KCND2: variants seen among roughly 807,000 people sequenced by gnomAD.
KCND2 encodes A-type voltage-gated potassium channel KCND2.
Under a neutral mutation model 54.4 loss-of-function variants are expected in KCND2, and 16 were observed. The observed-to-expected ratio is 0.29, with a 90% confidence interval of 0.20 to 0.45. The LOEUF (loss-of-function observed/expected upper bound fraction) is 0.45, where lower values mean the gene tolerates loss of function less well. Among genes scored for constraint, KCND2 ranks in the 20% least tolerant of loss-of-function variants. KCND2 has a pLI of 1.00. For synonymous variants in KCND2, 317 were observed against 310.7 expected (o/e 1.02, Z -0.21); for missense variants, 486 against 824.2 (o/e 0.59, Z 5.02).
At chr7:120,692,470 A>T (rs1282462353) in intron 1 of KCND2, among the ~76,000 whole-genome samples, 3 of 152,188 alleles carry the variant, frequency 2.0e-5, no homozygotes, top group Non-Finnish European at 4.4e-5. Context: ...AAACTACATT[A>T]TGTTGATGTA....
intron 1 of KCND2, among the ~76,000 whole-genome samples, chr7:120,436,602 G>C (rs754677326): frequency 1.3e-5 from 2 of 152,124 alleles, no homozygotes; most frequent in Non-Finnish European, 2.9e-5. Context: ...AGCCCTAACT[G>C]ACTATCCTCC....
intron 1 of KCND2, among the ~76,000 whole-genome samples, chr7:120,610,205 C>A (rs988829276): frequency 6.6e-6 from 1 of 152,138 alleles, no homozygotes; most frequent in African/African-American, 2.4e-5. Context: ...GCAGGTGAGG[C>A]AGACCTCCAT....
intron 1 of KCND2, among the ~76,000 whole-genome samples, chr7:120,369,825 G>A (rs1313096259): frequency 6.6e-6 from 1 of 151,968 alleles, no homozygotes; most frequent in East Asian, 1.9e-4. Context: ...CTAGTTACTT[G>A]GAATCAATGA....
chr7:120,658,307 G>T (rs1009810467), intron 1 of KCND2, among the ~76,000 whole-genome samples: 1 of 152,040 alleles, frequency 6.6e-6, no homozygotes, highest in Admixed American at 6.6e-5. Flanking sequence ...CTCTTTCATG[G>T]ATTAGATGAA....
At chr7:120,479,899 C>G (rs1339582511) in intron 1 of KCND2, among the ~76,000 whole-genome samples, 2 of 145,396 alleles carry the variant, frequency 1.4e-5, no homozygotes, top group African/African-American at 5.1e-5. Flanking sequence ...CCTAGGAGGC[C>G]GAGGCTGCAG....
intron 1 of KCND2, among the ~76,000 whole-genome samples, chr7:120,401,992 C>T (rs888667465): frequency 6.6e-6 from 1 of 151,964 alleles, no homozygotes; most frequent in Non-Finnish European, 1.5e-5. Flanking sequence ...CCCGATGGCT[C>T]AATATTTCTG....
At chr7:120,357,249 C>G (rs1412263261) in intron 1 of KCND2, among the ~76,000 whole-genome samples, 1 of 151,990 alleles carries the variant, frequency 6.6e-6, no homozygotes, top group African/African-American at 2.4e-5. Context: ...TGTTATTATC[C>G]AAATTTTTAA....
intron 1 of KCND2, among the ~76,000 whole-genome samples, chr7:120,564,862 G>A (rs1490088791): frequency 6.6e-6 from 1 of 151,994 alleles, no homozygotes; most frequent in Non-Finnish European, 1.5e-5. Context: ...AAATGATTCT[G>A]GTATATGTTT....
chr7:120,722,042 G>A (rs1236381133), intron 1 of KCND2, among the ~76,000 whole-genome samples: 1 of 152,122 alleles, frequency 6.6e-6, no homozygotes, highest in Non-Finnish European at 1.5e-5. Context: ...CTCCATGATT[G>A]TGAGTCTTCT....
intron 1 of KCND2, among the ~76,000 whole-genome samples, chr7:120,531,551 A>G (rs1791843352): frequency 6.6e-6 from 1 of 152,082 alleles, no homozygotes; most frequent in Non-Finnish European, 1.5e-5. Flanking sequence ...GCCACCCTTT[A>G]TAGAGAAACT....
chr7:120,493,226 T>C (rs1802808610), intron 1 of KCND2, among the ~76,000 whole-genome samples: 1 of 151,234 alleles, frequency 6.6e-6, no homozygotes, highest in Non-Finnish European at 1.5e-5. Context: ...ATATATCTCC[T>C]AAAGTTTCTG....
At chr7:120,280,818 A>G (rs2116254809) in intron 1 of KCND2, among the ~76,000 whole-genome samples, 1 of 152,216 alleles carries the variant, frequency 6.6e-6, no homozygotes, top group South Asian at 2.1e-4. Flanking sequence ...TGTTATAATA[A>G]TTATCGGGAC....
At chr7:120,538,816 G>C (rs886380440) in intron 1 of KCND2, among the ~76,000 whole-genome samples, 2 of 152,092 alleles carry the variant, frequency 1.3e-5, no homozygotes, top group African/African-American at 4.8e-5. Flanking sequence ...TTATGAGCTC[G>C]GTGAGAAGGG....
intron 1 of KCND2, among the ~76,000 whole-genome samples, chr7:120,291,268 T>C (rs1156334165): frequency 6.6e-6 from 1 of 151,864 alleles, no homozygotes; most frequent in Admixed American, 6.6e-5. Context: ...ATGGAACAGA[T>C]TGTCTTAGAT....
chr7:120,602,706 T>C (rs530230407), intron 1 of KCND2, among the ~76,000 whole-genome samples: 1 of 152,346 alleles, frequency 6.6e-6, no homozygotes, highest in South Asian at 2.1e-4. Context: ...TTCAAATCTC[T>C]TGAGGATTGA....
intron 1 of KCND2, among the ~76,000 whole-genome samples, chr7:120,528,249 G>T (rs1791801031): frequency 6.6e-6 from 1 of 152,064 alleles, no homozygotes; most frequent in African/African-American, 2.4e-5. Context: ...ACTCTCAATT[G>T]TAATATAAAA....
intron 1 of KCND2, among the ~76,000 whole-genome samples, chr7:120,421,548 G>A (rs2116135481): frequency 6.6e-6 from 1 of 152,322 alleles, no homozygotes; most frequent in Middle Eastern, 3.4e-3. Context: ...ACATTTCCGT[G>A]CTGTTGGATC....
intron 1 of KCND2, among the ~76,000 whole-genome samples, chr7:120,322,242 G>A (rs1010791681): frequency 6.6e-6 from 1 of 152,000 alleles, no homozygotes; most frequent in African/African-American, 2.4e-5. Context: ...ACTTTTCTAT[G>A]TCAAATATAA....
intron 1 of KCND2, among the ~76,000 whole-genome samples, chr7:120,657,294 A>G (rs1791814476): frequency 1.3e-5 from 2 of 152,204 alleles, no homozygotes; most frequent in Admixed American, 6.5e-5. Flanking sequence ...AACCCATGTT[A>G]TTATAAATAA....
Sources: gnomAD v4.1 joint callset for allele counts (sites outside exome capture counted in the v4.1 genomes callset) on GRCh38, gnomAD v4.1.1 for gene constraint, MANE v1.5 for transcripts, NCBI Gene and HGNC (gene_info 2026-07-23, HGNC 2026-07-21) for gene names.